The following SV2B variants were observed in gnomAD, a reference collection of about 807,000 sequenced individuals.
The protein encoded by SV2B is synaptic vesicle glycoprotein 2B, also known as solute carrier family 22 member B2.
Under a neutral mutation model 73.9 loss-of-function variants are expected in SV2B, and 41 were observed. The observed-to-expected ratio is 0.56, with a 90% CI of 0.43 to 0.72. The LOEUF is 0.72. Ranked by LOEUF, SV2B falls within the 30% of genes least tolerant of loss-of-function variation. The pLI is 0.00. For missense variants in SV2B, 764 were observed against 857.8 expected (o/e 0.89, Z 1.37); for synonymous variants, 314 against 314.2 (o/e 1.00, Z 0.01).
rs75368005 is a variant in SV2B at position 91,281,967 on chromosome 15, G to A, written c.1507+106G>A. On this transcript the variant is annotated intron_variant, in intron 10 of 12. Coordinates refer to ENST00000394232, the MANE Select transcript of SV2B (RefSeq NM_001323032.3). This position sits in a 1 kb window ranked among gnomAD's most constrained non-coding sequence, Gnocchi z 4.7. ...AAACTTTAGGAGTAGGAAAGTATTCGTAGATACAAATGCCAAGCCTTGGTG... is the reference window on the plus strand; with the variant it reads ...AAACTTTAGGAGTAGGAAAGTATTCATAGATACAAATGCCAAGCCTTGGTG... 7,438 of 1,302,646 alleles carry A rather than the reference G, an allele frequency of 5.7e-3. 306 individuals carry two copies. The African/African-American group carries it at 0.097, about 17-fold the overall frequency. The allele number at this position is 1,302,646 out of a possible 1,614,324, so 80.7% of individuals were successfully genotyped here. A position where few individuals can be genotyped will look rare whatever the true frequency, so the allele number is the denominator to read the frequency against.
At chr15:91,147,964 A>C (rs1175021619) in intron 1 of SV2B, among the ~76,000 whole-genome samples, 57 of 57,568 alleles carry the variant, frequency 9.9e-4, no homozygotes, top group East Asian at 3.2e-3. Flanking sequence ...ACCCCCCCCA[A>C]CTTTTTTTTT....
chr15:91,295,504 G>C lies in SV2B; in HGVS notation c.*2952G>C, dbSNP rs190986837. 1 of 152,334 alleles carries C rather than the reference G, an allele frequency of 6.6e-6. No individual in the cohort carries two copies. The highest frequency in any genetic ancestry group is 1.9e-4 in the East Asian group (1 of 5,182). The allele number at this position is 152,334 out of a possible 1,614,324, so 9.4% of individuals were successfully genotyped here. On this transcript the variant is annotated 3_prime_UTR_variant, in exon 13 of 13. Transcript: ENST00000394232. ...TTGAATCAGCTGGGAGAAACATTGA[G>C]AATCGCTTCCTTCAACTTTTATTTT... is the stretch of plus-strand genomic sequence containing the variant.
In SV2B at chr15:91,252,087, A is replaced by G. The variant is rs1329568672; in HGVS notation, c.632+88A>G. Reference sequence around the variant, plus strand: ...CTAGCTCCAAGAGGTAACTCTAGAAACCCTTGGACTGACTGAGTTTTTGTT... The same window carrying G: ...CTAGCTCCAAGAGGTAACTCTAGAAGCCCTTGGACTGACTGAGTTTTTGTT... On this transcript the variant is annotated intron_variant, in intron 3 of 12. Transcript: ENST00000394232. This position sits in a 1 kb window ranked among gnomAD's most constrained non-coding sequence, Gnocchi z 4.6. 42 of 1,485,704 alleles carry G rather than the reference A, an allele frequency of 2.8e-5. No individual in the cohort carries two copies. The highest frequency in any genetic ancestry group is 3.6e-5 in the Non-Finnish European group (40 of 1,104,336). The allele number at this position is 1,485,704 out of a possible 1,614,324, so 92.0% of individuals were successfully genotyped here.
At position 91,253,403 on chromosome 15, in the gene SV2B, C is replaced by A. The variant is rs952825805; in HGVS notation, c.784+883C>A. 2.6e-5 allele frequency among the ~76,000 whole-genome samples: 4 copies of A among 152,194 alleles called. No homozygotes were observed. The highest frequency in any genetic ancestry group is 7.2e-5 in the African/African-American group (3 of 41,444). On this transcript the variant is annotated intron_variant, in intron 4 of 12. Transcript: ENST00000394232. The surrounding 1 kb of genome is among the most constrained non-coding windows in gnomAD (Gnocchi z 5.0). ...CTTGTTTTAAATATGACCCTCTCTGCTGTGCTTTCTCAGCTAATGGAGGCT... is the reference window on the plus strand; with the variant it reads ...CTTGTTTTAAATATGACCCTCTCTGATGTGCTTTCTCAGCTAATGGAGGCT...
intron 1 of SV2B, among the ~76,000 whole-genome samples, chr15:91,114,130 G>T (rs1027572091): frequency 2.9e-5 from 4 of 139,418 alleles, no homozygotes; most frequent in Non-Finnish European, 6.0e-5. Flanking sequence ...CTTGCAGTGA[G>T]CCGAGATCGC....
chr15:91,169,206 C>T (rs1443801579), intron 1 of SV2B, among the ~76,000 whole-genome samples: 1 of 152,088 alleles, frequency 6.6e-6, no homozygotes, highest in Non-Finnish European at 1.5e-5. Flanking sequence ...AGGGACCATG[C>T]CGAGGGTTTT....
At chr15:91,207,437 A>G (rs1409070928) in intron 1 of SV2B, among the ~76,000 whole-genome samples, 1 of 152,120 alleles carries the variant, frequency 6.6e-6, no homozygotes, top group Non-Finnish European at 1.5e-5. Context: ...ACTCTTTCTA[A>G]TTCCTATACC....
rs2141617286 is a variant in SV2B, at chr15:91,253,022, G to A, written c.784+502G>A. ...TACTCTTTCTGCCCTGGTGCCTGCTGTCACTCTTGTTTGGCCGTGACAGTG... is the reference window on the plus strand; with the variant it reads ...TACTCTTTCTGCCCTGGTGCCTGCTATCACTCTTGTTTGGCCGTGACAGTG... On this transcript the variant is annotated intron_variant, in intron 4 of 12. Coordinates refer to ENST00000394232, the MANE Select transcript of SV2B (RefSeq NM_001323032.3). The surrounding 1 kb of genome is among the most constrained non-coding windows in gnomAD (Gnocchi z 5.0). Among the ~76,000 whole-genome samples the A allele has an allele frequency of 6.6e-6, 1 of 152,272 alleles. No individual in the cohort carries two copies. The highest frequency in any genetic ancestry group is 1.9e-4 in the East Asian group (1 of 5,174).
At chr15:91,134,382 A>G (rs564344627) in intron 1 of SV2B, among the ~76,000 whole-genome samples, 6 of 152,178 alleles carry the variant, frequency 3.9e-5, no homozygotes, top group Non-Finnish European at 5.9e-5. Flanking sequence ...GCTACAATTC[A>G]GAATCCATTC....
chr15:91,274,198 T>C (rs2048408580), intron 9 of SV2B, among the ~76,000 whole-genome samples: 1 of 152,242 alleles, frequency 6.6e-6, no homozygotes, highest in Non-Finnish European at 1.5e-5. Context: ...GGAATTTTTC[T>C]AGGCTATGTA....
intron 6 of SV2B, among the ~76,000 whole-genome samples, chr15:91,264,432 A>C (rs1236814140): frequency 6.6e-6 from 1 of 152,236 alleles, no homozygotes; most frequent in East Asian, 1.9e-4. Context: ...CGAACATGGA[A>C]GCAGAGCAGA....
intron 1 of SV2B, among the ~76,000 whole-genome samples, chr15:91,215,951 T>C (rs1307194616): frequency 6.6e-6 from 1 of 152,236 alleles, no homozygotes; most frequent in African/African-American, 2.4e-5. Flanking sequence ...TATTTGTTTT[T>C]TTCTCCAGCA....
rs2046288778 is a variant in SV2B, at chr15:91,223,741, C to G, written c.-391-2132C>G. 6.6e-6 allele frequency among the ~76,000 whole-genome samples: 1 copy of G among 152,152 alleles called. No individual in the cohort carries two copies. Among genetic ancestry groups the G allele is most frequent in the Non-Finnish European group, 1.5e-5 (1 of 68,022 alleles). ...AATATTAATCTGACGTGGTTCAGGCCAACATGGTCTAATAGAAATTTATTT... is the reference window on the plus strand; with the variant it reads ...AATATTAATCTGACGTGGTTCAGGCGAACATGGTCTAATAGAAATTTATTT... On this transcript the variant is annotated intron_variant, in intron 1 of 12. Coordinates refer to ENST00000394232, the MANE Select transcript of SV2B (RefSeq NM_001323032.3). The surrounding 1 kb of genome is among the most constrained non-coding windows in gnomAD (Gnocchi z 4.6).
intron 1 of SV2B, among the ~76,000 whole-genome samples, chr15:91,116,644 AG>A (rs2042187344): frequency 6.6e-6 from 1 of 152,196 alleles, no homozygotes; most frequent in South Asian, 2.1e-4. Context: ...GCACTGACAG[AG>A]CTAGAAAAAT....
intron 1 of SV2B, among the ~76,000 whole-genome samples, chr15:91,193,674 A>T (rs147096547): frequency 6.6e-6 from 1 of 152,334 alleles, no homozygotes; most frequent in Non-Finnish European, 1.5e-5. Context: ...GTTGTCTCAT[A>T]TTCTCATTCT....
chr15:91,218,321 G>A (rs189454774), intron 1 of SV2B, among the ~76,000 whole-genome samples: 17 of 152,254 alleles, frequency 1.1e-4, no homozygotes, highest in Middle Eastern at 3.4e-3. Flanking sequence ...TTTTCCTGTG[G>A]GTATAGGGTG....
chr15:91,171,748 C>A (rs919912289), intron 1 of SV2B, among the ~76,000 whole-genome samples: 1 of 152,236 alleles, frequency 6.6e-6, no homozygotes, highest in African/African-American at 2.4e-5. Flanking sequence ...CCCACACAGA[C>A]CAGTTTTGCT....
rs1276620255 is a variant in SV2B, at chr15:91,288,738, C to T, written c.1709-783C>T. On this transcript the variant is annotated intron_variant, in intron 11 of 12. Transcript: ENST00000394232. The surrounding 1 kb of genome is among the most constrained non-coding windows in gnomAD (Gnocchi z 5.8). ...TGTCACCCAGGCTGGAGTACAGTGG[C>T]GCCATCTCGGCTCACTGCAACCTCT... Among the ~76,000 whole-genome samples, 2 of 151,856 alleles carry T rather than the reference C, an allele frequency of 1.3e-5. No homozygotes were observed. The highest frequency in any genetic ancestry group is 1.3e-4 in the Admixed American group (2 of 15,242).
At chr15:91,273,847 G>A (rs1478403108) in intron 9 of SV2B, among the ~76,000 whole-genome samples, 1 of 152,070 alleles carries the variant, frequency 6.6e-6, no homozygotes, top group Non-Finnish European at 1.5e-5. Flanking sequence ...TAAGTTTGGT[G>A]CTTTACATTC....
Sources: gnomAD v4.1 joint callset for allele counts (sites outside exome capture counted in the v4.1 genomes callset) on GRCh38, gnomAD v4.1.1 for gene constraint, Gnocchi (gnomAD v3.1) non-coding constraint, MANE v1.5 for transcripts, NCBI Gene and HGNC (gene_info 2026-07-23, HGNC 2026-07-21) for gene names.